PIP5K1C: variants seen among roughly 807,000 people sequenced by gnomAD.
PIP5K1C encodes phosphatidylinositol 4-phosphate 5-kinase type-1 gamma.
In PIP5K1C, 45 loss-of-function variants were observed where a neutral mutation model predicts 80.1. That is an observed-to-expected ratio of 0.56 (90% confidence interval 0.44 to 0.72). The LOEUF (loss-of-function observed/expected upper bound fraction) is 0.72, where lower values mean the gene tolerates loss of function less well. Among genes scored for constraint, PIP5K1C ranks in the 30% least tolerant of loss-of-function variants. The pLI is 0.00. For synonymous variants in PIP5K1C, 498 were observed against 420.1 expected, an observed-to-expected ratio of 1.19 and a Z score of -2.27; for missense variants, 753 against 954.6, an observed-to-expected ratio of 0.79 and a Z score of 2.78.
In PIP5K1C at chr19:3,641,620, T is replaced by C. The variant is rs1169154158; in HGVS notation, c.1787+85A>G. The C allele has an allele frequency of 6.3e-6, 6 of 955,418 alleles. No homozygotes were observed. The Admixed American group carries it at 6.9e-5, about 11-fold the overall frequency. The allele number at this position is 955,418 out of a possible 1,614,324, so 59.2% of individuals were successfully genotyped here. A position where few individuals can be genotyped will look rare whatever the true frequency, so the allele number is the denominator to read the frequency against. On this transcript the variant is annotated intron_variant, in intron 15 of 17. Transcript: ENST00000335312. ...ATACAACCTAGTAAGAAAGAACTGC[T>C]TCATGATGAAACCTCGGGGTGCTCT...
Position 3,644,079 on chromosome 19 carries a change from C to T in PIP5K1C, c.1510+8G>A, listed in dbSNP as rs1458723287. On this transcript the variant is annotated splice_region_variant and intron_variant, in intron 12 of 17. Coordinates refer to ENST00000335312, the MANE Select transcript of PIP5K1C (RefSeq NM_012398.3). ...GCCCACAAGCGCACTCTGCCCTCTG[C>T]CCCTCACCTTCGTCCTCCAGCGTGG... 1 of 1,610,264 alleles carries T rather than the reference C, an allele frequency of 6.2e-7. No individual in the cohort carries two copies. The highest frequency in any genetic ancestry group is 8.5e-7 in the Non-Finnish European group (1 of 1,179,798).
intron 15 of PIP5K1C, among the ~76,000 whole-genome samples, chr19:3,640,427 A>G (rs541090022): frequency 1.3e-5 from 2 of 152,224 alleles, no homozygotes; most frequent in Admixed American, 1.3e-4. Flanking sequence ...GAGGCAAGAG[A>G]ATCACTTGAA....
At chr19:3,672,590 G>C (rs907070020) in intron 1 of PIP5K1C, 3 of 152,534 alleles carry the variant, frequency 2.0e-5, no homozygotes, top group African/African-American at 7.2e-5. Flanking sequence ...CAGATTGTCA[G>C]GCTGGCTCTG....
rs1432062098 is a variant in PIP5K1C, at chr19:3,650,303, A to G, written c.1127+1523T>C. Among the ~76,000 whole-genome samples the G allele has an allele frequency of 5.3e-5, 8 of 152,296 alleles. No individual in the cohort carries two copies. In the South Asian group the frequency reaches 1.7e-3, roughly 32 times the overall value. On this transcript the variant is annotated intron_variant, in intron 8 of 17. Coordinates refer to ENST00000335312, the MANE Select transcript of PIP5K1C (RefSeq NM_012398.3). ...GGAGCCTATTTCCTCAGCTGGAAAC[A>G]GGGGAAGCCCACCTCCCTCCTCCAA... is the stretch of plus-strand genomic sequence containing the variant.
chr19:3,684,298 C>T (rs997412961), intron 1 of PIP5K1C, among the ~76,000 whole-genome samples: 3 of 152,236 alleles, frequency 2.0e-5, no homozygotes, highest in Non-Finnish European at 4.4e-5. Flanking sequence ...CATCATCCAG[C>T]GCACAATCTC....
chr19:3,639,230 C>T (rs1162616302), intron 15 of PIP5K1C, among the ~76,000 whole-genome samples: 1 of 152,186 alleles, frequency 6.6e-6, no homozygotes, highest in Non-Finnish European at 1.5e-5. Flanking sequence ...CCAGGAGTGA[C>T]CTGGAGTGAC....
intron 8 of PIP5K1C, 23 bp downstream of exon 8, chr19:3,651,803 C>A: frequency 6.2e-7 from 1 of 1,604,742 alleles, no homozygotes. Flanking sequence ...CGGGACGGGT[C>A]CGGCGGCCCC....
At chr19:3,684,135 C>A (rs1387248101) in intron 1 of PIP5K1C, among the ~76,000 whole-genome samples, 2 of 152,128 alleles carry the variant, frequency 1.3e-5, no homozygotes, top group African/African-American at 4.8e-5. Flanking sequence ...ACCCACTGGA[C>A]CTCAGGATTC....
intron 10 of PIP5K1C, 129 bp downstream of exon 10, chr19:3,647,209 A>G (rs2034264462): frequency 3.0e-6 from 2 of 660,006 alleles, no homozygotes; most frequent in Admixed American, 2.5e-5. Context: ...CAGGAGGAGG[A>G]GGGATGGGAG....
chr19:3,658,065 C>T (rs114287668), intron 5 of PIP5K1C, among the ~76,000 whole-genome samples: 12 of 152,328 alleles, frequency 7.9e-5, no homozygotes, highest in Non-Finnish European at 1.5e-4. Flanking sequence ...CAGAGGACGC[C>T]GGAAACATGA....
In PIP5K1C at chr19:3,630,348, G is replaced by C. The variant is rs1331049380; in HGVS notation, c.*2819C>G. On this transcript the variant is annotated 3_prime_UTR_variant, in exon 18 of 18. Coordinates refer to ENST00000335312, the MANE Select transcript of PIP5K1C (RefSeq NM_012398.3). ...TTGAGGGACACAGCACCCTCGTCTC[G>C]GCGCTTTGGATTGTCACGCACCAGA... 4 of 152,578 alleles carry C rather than the reference G, an allele frequency of 2.6e-5. No homozygotes were observed. Among genetic ancestry groups the C allele is most frequent in the Non-Finnish European group, 5.9e-5 (4 of 68,038 alleles). 9.5% of individuals were successfully genotyped at this position (152,578 alleles called of 1,614,324 possible).
chr19:3,642,784 T>C, intron 14 of PIP5K1C, 123 bp downstream of exon 14: 2 of 828,370 alleles, frequency 2.4e-6, no homozygotes, highest in Non-Finnish European at 4.2e-6. Flanking sequence ...AGTGCTACAA[T>C]CTTAAATCTG....
At chr19:3,646,128 A>C in intron 10 of PIP5K1C, 70 bp from the exon 11 acceptor site, 1 of 945,054 alleles carries the variant, frequency 1.1e-6, no homozygotes. Flanking sequence ...ACAGCCCCAG[A>C]CAGACGCTGT....
Position 3,637,123 on chromosome 19 carries a change from A to G in PIP5K1C, c.1920+1761T>C. 7.3e-7 allele frequency: 1 copy of G among 1,363,376 alleles called. No homozygotes were observed. Among genetic ancestry groups the G allele is most frequent in the Non-Finnish European group, 9.5e-7 (1 of 1,055,280 alleles). 84.5% of individuals were successfully genotyped at this position (1,363,376 alleles called of 1,614,324 possible). A position where few individuals can be genotyped will look rare whatever the true frequency, so the allele number is the denominator to read the frequency against. On this transcript the variant is annotated intron_variant, in intron 16 of 17. Transcript: ENST00000335312. The surrounding 1 kb of genome is among the most constrained non-coding windows in gnomAD (Gnocchi z 7.0). ...TGCAGCCACTCTGCTGACCTGTGCA[A>G]CCTCCCCTGTGCAGCCAGCGGGGCC...
chr19:3,641,928 G>T (rs1188520447), intron 14 of PIP5K1C, 119 bp from the exon 15 acceptor site: 3 of 791,148 alleles, frequency 3.8e-6, no homozygotes, highest in East Asian at 5.4e-5. Context: ...CTCCTGATTG[G>T]GTCTGTTCTT....
rs1350983601 is a variant in PIP5K1C at position 3,637,539 on chromosome 19, C to A, written c.1920+1345G>T. 7.8e-6 allele frequency: 12 copies of A among 1,535,266 alleles called. No homozygotes were observed. The East Asian group carries it at 2.9e-4, about 38-fold the overall frequency. ...GTGGCCGGCTGCGGTCACTTACAGT[C>A]CCCGAGGCGCTCAGCGTCACGGCCC... On this transcript the variant is annotated intron_variant, in intron 16 of 17. Transcript: ENST00000335312. This position sits in a 1 kb window ranked among gnomAD's most constrained non-coding sequence, Gnocchi z 7.0.
At chr19:3,646,476 G>A (rs1031901655) in intron 10 of PIP5K1C, among the ~76,000 whole-genome samples, 8 of 152,036 alleles carry the variant, frequency 5.3e-5, no homozygotes, top group Non-Finnish European at 1.0e-4. Flanking sequence ...GAGTGGCCAC[G>A]TACCAGGACT....
At chr19:3,636,722 G>A in intron 16 of PIP5K1C, 4 of 986,704 alleles carry the variant, frequency 4.1e-6, no homozygotes, top group Non-Finnish European at 4.8e-6. Flanking sequence ...GCACACAGAG[G>A]TGCTCGGAGA....
intron 1 of PIP5K1C, among the ~76,000 whole-genome samples, chr19:3,695,515 G>A (rs990451912): frequency 1.4e-4 from 21 of 152,324 alleles, no homozygotes; most frequent in African/African-American, 4.8e-4. Flanking sequence ...CACATCCCCG[G>A]CTGGCATGCA....
Sources: gnomAD v4.1 joint callset for allele counts (sites outside exome capture counted in the v4.1 genomes callset) on GRCh38, gnomAD v4.1.1 for gene constraint, Gnocchi (gnomAD v3.1) non-coding constraint, MANE v1.5 for transcripts, NCBI Gene and HGNC (gene_info 2026-07-23, HGNC 2026-07-21) for gene names.